Variants in RC3H1 observed in about 807,000 individuals in gnomAD.
RC3H1 encodes ring finger and CCCH-type domains 1.
In RC3H1, 50 loss-of-function variants were observed where a neutral mutation model predicts 138.2. That is an observed-to-expected ratio of 0.36 (90% CI 0.29 to 0.46). RC3H1 has a LOEUF of 0.46. Ranked by LOEUF, RC3H1 falls within the 20% of genes least tolerant of loss-of-function variation. The probability of loss-of-function intolerance (pLI) is 1.00; values close to 1 mark genes in which losing one functional copy is unlikely to be tolerated. For synonymous variants in RC3H1, 462 were observed against 489.1 expected (o/e 0.94, Z 0.73); for missense variants, 1,031 against 1,388.1 (o/e 0.74, Z 4.09).
At position 173,983,494 on chromosome 1, in the gene RC3H1, C is replaced by A. The variant is rs1429132546; in HGVS notation, c.516G>T (p.Gln172His). Residue 172 changes from glutamine to histidine, a missense_variant, in exon 4 of 20, where the codon CAG becomes CAT. Coordinates refer to ENST00000367696, the MANE Select transcript of RC3H1 (RefSeq NM_172071.4). ...GERTVTELIL[Q>H]HQNPQQLSSN... is the part of the protein sequence containing the mutation. ...AAGAGAGTTGCTGAGGATTCTGGTG[C>A]TGGAGAATGAGCTCTGTAACTGTTC... 1 of 1,614,184 alleles carries A rather than the reference C, an allele frequency of 6.2e-7. No individual in the cohort carries two copies. The highest frequency in any genetic ancestry group is 8.5e-7 in the Non-Finnish European group (1 of 1,180,032).
intron 17 of RC3H1, among the ~76,000 whole-genome samples, chr1:173,945,858 C>T (rs952521205): frequency 2.0e-5 from 3 of 151,988 alleles, no homozygotes; most frequent in African/African-American, 4.8e-5. Flanking sequence ...CAGGTGCACA[C>T]CACCATGCCC....
intron 17 of RC3H1, among the ~76,000 whole-genome samples, chr1:173,945,262 A>T (rs998391137): frequency 4.0e-5 from 6 of 151,896 alleles, no homozygotes; most frequent in African/African-American, 1.5e-4. Flanking sequence ...AGTAGCTGAG[A>T]CTACAGGCGT....
At position 173,938,822 on chromosome 1, in the gene RC3H1, A is replaced by G; in HGVS notation, c.3301T>C (p.Ser1101Pro). 1 of 1,613,598 alleles carries G rather than the reference A, an allele frequency of 6.2e-7. No homozygotes were observed. Among genetic ancestry groups the G allele is most frequent in the Non-Finnish European group, 8.5e-7 (1 of 1,179,654 alleles). The change falls in exon 20 of 20, where the codon TCA becomes CCA. Residue 1101 changes from serine to proline, a missense_variant. Transcript: ENST00000367696. ...AGGTTCAGAGAGCTGGTCTTGTTTGATAGGAGGCTGATATTCTCTTGTGTC... is the reference window on the plus strand; with the variant it reads ...AGGTTCAGAGAGCTGGTCTTGTTTGGTAGGAGGCTGATATTCTCTTGTGTC... ...ALTQENISLL[S>P]NKTSSLNLSE... is the part of the protein sequence containing the mutation.
intron 1 of RC3H1, among the ~76,000 whole-genome samples, chr1:174,010,889 C>T (rs1311143343): frequency 1.3e-5 from 2 of 152,116 alleles, no homozygotes; most frequent in Admixed American, 6.6e-5. Flanking sequence ...GGAGTGATTA[C>T]TCATGAGGGG....
At chr1:173,964,327 A>G (rs916114568) in intron 10 of RC3H1, 140 bp from the exon 11 acceptor site, 1 of 652,180 alleles carries the variant, frequency 1.5e-6, no homozygotes, top group African/African-American at 1.9e-5. Context: ...CAATTTTTAA[A>G]TCTTATTTCC....
At chr1:173,939,935 G>T (rs530428179) in intron 19 of RC3H1, among the ~76,000 whole-genome samples, 2 of 152,084 alleles carry the variant, frequency 1.3e-5, no homozygotes, top group South Asian at 4.2e-4. Flanking sequence ...TATCATCAGG[G>T]GGGCAACTTA....
intron 15 of RC3H1, 89 bp downstream of exon 15, chr1:173,947,280 A>G: frequency 2.2e-6 from 2 of 890,236 alleles, no homozygotes; most frequent in Non-Finnish European, 3.6e-6. Context: ...CAAGATTACT[A>G]AAAACACTGA....
rs1292242468 is a variant in RC3H1, at chr1:173,938,787, G to A, written c.3336C>T (p.Asp1112=). 6.2e-7 allele frequency: 1 copy of A among 1,613,306 alleles called. No individual in the cohort carries two copies. The highest frequency in any genetic ancestry group is 8.5e-7 in the Non-Finnish European group (1 of 1,179,502). Residue 1112 remains aspartate, a synonymous_variant, in exon 20 of 20, where the codon GAC becomes GAT. Transcript: ENST00000367696. ...NKTSSLNLSE[D]PEGGGDNNDS... is the part of the protein sequence containing the mutation. ...CATTATTATCCCCTCCTCCCTCAGG[G>A]TCCTCTGACAGGTTCAGAGAGCTGG...
intron 4 of RC3H1, 56 bp from the exon 5 acceptor site, chr1:173,982,958 A>G (rs1335402769): frequency 1.4e-6 from 2 of 1,431,714 alleles, no homozygotes; most frequent in Non-Finnish European, 1.9e-6. Context: ...AGATAAATCC[A>G]TTTATTAGAA....
At position 173,938,455 on chromosome 1, in the gene RC3H1, T is replaced by C; in HGVS notation, c.*266A>G. 1 of 261,072 alleles carries C rather than the reference T, an allele frequency of 3.8e-6. No homozygotes were observed. Among genetic ancestry groups the C allele is most frequent in the Non-Finnish European group, 7.1e-6 (1 of 139,996 alleles). 16.2% of individuals were successfully genotyped at this position (261,072 alleles called of 1,614,324 possible). A position where few individuals can be genotyped will look rare whatever the true frequency, so the allele number is the denominator to read the frequency against. Reference sequence around the variant, plus strand: ...GGCGTCCAAAGTTATTAAAATAAAGTTCATTCACAGAACAAAAACAAATTT... The same window carrying C: ...GGCGTCCAAAGTTATTAAAATAAAGCTCATTCACAGAACAAAAACAAATTT... On this transcript the variant is annotated 3_prime_UTR_variant, in exon 20 of 20. Coordinates refer to ENST00000367696, the MANE Select transcript of RC3H1 (RefSeq NM_172071.4).
intron 18 of RC3H1, 28 bp downstream of exon 18, chr1:173,943,414 C>A (rs1330310041): frequency 6.3e-7 from 1 of 1,580,596 alleles, no homozygotes; most frequent in Non-Finnish European, 8.6e-7. Context: ...ATTTCACCTT[C>A]CCTCTCTTTC....
intron 2 of RC3H1, among the ~76,000 whole-genome samples, chr1:173,986,874 C>G (rs1202139191): frequency 6.6e-6 from 1 of 152,144 alleles, no homozygotes; most frequent in East Asian, 1.9e-4. Context: ...TTCAATATCT[C>G]TTTAAGCTCC....
At chr1:173,989,676 C>A (rs1166104089) in intron 2 of RC3H1, among the ~76,000 whole-genome samples, 1 of 147,520 alleles carries the variant, frequency 6.8e-6, no homozygotes, top group East Asian at 2.0e-4. Flanking sequence ...AGCCTTTGAT[C>A]CATTTTGAGT....
At chr1:173,960,868 G>C (rs1340463295) in intron 13 of RC3H1, among the ~76,000 whole-genome samples, 1 of 150,164 alleles carries the variant, frequency 6.7e-6, no homozygotes, top group Admixed American at 6.6e-5. Context: ...TGCCTTACAG[G>C]AACAAAAAAA....
rs563467801 is a variant in RC3H1, at chr1:173,957,039, G to A, written c.2370+4038C>T. On this transcript the variant is annotated intron_variant, in intron 13 of 19. Transcript: ENST00000367696. ...AGCAATTCTCCTGCCTCAGTCTCCC[G>A]AGTAGCTGGGATTACAGGCGCCCAC... Among the ~76,000 whole-genome samples the A allele has an allele frequency of 1.3e-4, 19 of 151,954 alleles. No homozygotes were observed. The South Asian group carries it at 2.9e-3, about 23-fold the overall frequency.
intron 6 of RC3H1, among the ~76,000 whole-genome samples, chr1:173,980,209 A>G (rs1660755410): frequency 6.7e-6 from 1 of 149,200 alleles, no homozygotes; most frequent in Admixed American, 6.8e-5. Flanking sequence ...ATATTTCCCA[A>G]TTCTCACTGT....
chr1:174,019,435 T>C (rs1661918863), intron 1 of RC3H1, among the ~76,000 whole-genome samples: 1 of 152,204 alleles, frequency 6.6e-6, no homozygotes. Flanking sequence ...CTATTAATTA[T>C]GTGATCTTTT....
intron 6 of RC3H1, 52 bp downstream of exon 6, chr1:173,980,757 T>A (rs1387119238): frequency 4.3e-6 from 6 of 1,400,252 alleles, no homozygotes; most frequent in Admixed American, 3.6e-5. Context: ...GTTAAATGAA[T>A]TACCAAAATG....
chr1:173,991,664 T>A (rs1251554458), intron 2 of RC3H1, among the ~76,000 whole-genome samples: 2 of 152,234 alleles, frequency 1.3e-5, no homozygotes, highest in African/African-American at 2.4e-5. Context: ...GCTTTTATTA[T>A]GAAAAGGTAT....
Sources: allele counts gnomAD v4.1 joint callset (sites outside exome capture counted in the v4.1 genomes callset), GRCh38; gene constraint gnomAD v4.1.1; transcripts MANE v1.5; gene names NCBI Gene and HGNC (gene_info 2026-07-23, HGNC 2026-07-21).